Variants in AGBL4 observed in about 807,000 individuals in gnomAD.
AGBL4 encodes the protein AGBL carboxypeptidase 4, also known as cytosolic carboxypeptidase 6.
In AGBL4, 58 loss-of-function variants were observed where a neutral mutation model predicts 66.4. That is an observed-to-expected ratio of 0.87 (90% CI 0.71 to 1.09). The LOEUF (loss-of-function observed/expected upper bound fraction) is 1.09. Ranked by LOEUF, AGBL4 falls within the 50% of genes least tolerant of loss-of-function variation. AGBL4 has a pLI of 0.00. For synonymous variants in AGBL4, 234 were observed against 222.9 expected (o/e 1.05, Z -0.44); for missense variants, 579 against 631.0 (o/e 0.92, Z 0.88).
chr1:49,361,716 G>A (rs1403121465), intron 3 of AGBL4, among the ~76,000 whole-genome samples: 1 of 151,934 alleles, frequency 6.6e-6, no homozygotes, highest in Non-Finnish European at 1.5e-5. Context: ...CAAAGATATA[G>A]TCTTCCTATT....
intron 11 of AGBL4, among the ~76,000 whole-genome samples, chr1:48,559,025 A>G (rs1417276503): frequency 6.6e-6 from 1 of 152,212 alleles, no homozygotes. Flanking sequence ...ACTGCTGACC[A>G]GAACAGGGGC....
chr1:49,911,291 G>A (rs1650803507), intron 1 of AGBL4, among the ~76,000 whole-genome samples: 1 of 152,208 alleles, frequency 6.6e-6, no homozygotes, highest in African/African-American at 2.4e-5. Flanking sequence ...CATTATTTCT[G>A]TGATTGTTGA....
the AGBL4 span, among the ~76,000 whole-genome samples, chr1:48,525,137 G>A: frequency 1.3e-5 from 2 of 152,114 alleles, no homozygotes; most frequent in Non-Finnish European, 2.9e-5. Context: ...TAAGGCTCTT[G>A]GGCCCCATAA....
chr1:49,047,226 T>C (rs373131940), intron 4 of AGBL4, among the ~76,000 whole-genome samples: 2 of 152,262 alleles, frequency 1.3e-5, no homozygotes, highest in East Asian at 1.9e-4. Flanking sequence ...AATATTCTGG[T>C]ATTTGATTAT....
chr1:49,873,774 T>C (rs1425472668), intron 1 of AGBL4, among the ~76,000 whole-genome samples: 1 of 152,138 alleles, frequency 6.6e-6, no homozygotes, highest in African/African-American at 2.4e-5. Flanking sequence ...TGTGATTCCA[T>C]GCTTATTTCT....
intron 6 of AGBL4, among the ~76,000 whole-genome samples, chr1:48,688,613 T>A (rs889466081): frequency 6.6e-6 from 1 of 152,104 alleles, no homozygotes. Context: ...TCCCTTTGCT[T>A]ACACTGCAGG....
At chr1:48,539,496 C>T (rs955458018) in intron 12 of AGBL4, 146 bp downstream of exon 12, 2 of 555,426 alleles carry the variant, frequency 3.6e-6, no homozygotes, top group East Asian at 3.2e-5. Context: ...TCTTCTGCCC[C>T]ATAAAATCTC....
intron 3 of AGBL4, among the ~76,000 whole-genome samples, chr1:49,309,402 G>A (rs531111807): frequency 5.3e-5 from 8 of 151,980 alleles, no homozygotes; most frequent in Non-Finnish European, 7.4e-5. Context: ...CAAGAGTGGC[G>A]CTAGAATCTG....
At chr1:49,209,601 A>G (rs1033991386) in intron 4 of AGBL4, among the ~76,000 whole-genome samples, 1 of 152,136 alleles carries the variant, frequency 6.6e-6, no homozygotes, top group African/African-American at 2.4e-5. Context: ...AACAATGGTG[A>G]AGGCTTGATC....
At position 49,716,141 on chromosome 1, in the gene AGBL4, A is replaced by G. The variant is rs142241629; in HGVS notation, c.158-18704T>C. 4.5e-4 allele frequency among the ~76,000 whole-genome samples: 69 copies of G among 152,202 alleles called. 1 individual carries two copies. The East Asian group carries it at 0.012, about 27-fold the overall frequency. ...GTTAATTTTTGTATAAGGTGTAAGGAAGGGGTCCAGTTTCAGTTTTCTGCA... is the reference window on the plus strand; with the variant it reads ...GTTAATTTTTGTATAAGGTGTAAGGGAGGGGTCCAGTTTCAGTTTTCTGCA... On this transcript the variant is annotated intron_variant, in intron 2 of 13. Coordinates refer to ENST00000371839, the MANE Select transcript of AGBL4 (RefSeq NM_032785.4).
intron 2 of AGBL4, among the ~76,000 whole-genome samples, chr1:49,840,571 G>A (rs1483946104): frequency 6.6e-6 from 1 of 152,030 alleles, no homozygotes; most frequent in Non-Finnish European, 1.5e-5. Context: ...GACAAAGAAA[G>A]GAAACTTCAG....
intron 3 of AGBL4, among the ~76,000 whole-genome samples, chr1:49,318,450 A>T (rs773999125): frequency 6.6e-5 from 10 of 151,862 alleles, no homozygotes; most frequent in Non-Finnish European, 1.3e-4. Flanking sequence ...TAGCAAACAC[A>T]TGGGGCTTAT....
intron 3 of AGBL4, among the ~76,000 whole-genome samples, chr1:49,492,136 A>G (rs945882822): frequency 2.6e-5 from 4 of 151,898 alleles, no homozygotes; most frequent in Admixed American, 2.6e-4. Flanking sequence ...TAAGTGGCAT[A>G]GGCATTATGA....
At chr1:48,746,436 C>T (rs1405395432) in intron 6 of AGBL4, among the ~76,000 whole-genome samples, 3 of 152,206 alleles carry the variant, frequency 2.0e-5, no homozygotes, top group African/African-American at 4.8e-5. Flanking sequence ...AGGTTCACGA[C>T]GGTCCCCTCA....
chr1:49,230,769 C>T (rs998085436), intron 4 of AGBL4, among the ~76,000 whole-genome samples: 1 of 152,168 alleles, frequency 6.6e-6, no homozygotes, highest in Non-Finnish European at 1.5e-5. Flanking sequence ...TCAGTTACCT[C>T]TTCTTTCAAT....
At chr1:49,474,601 T>C (rs1303267339) in intron 3 of AGBL4, among the ~76,000 whole-genome samples, 2 of 151,926 alleles carry the variant, frequency 1.3e-5, no homozygotes, top group Non-Finnish European at 2.9e-5. Flanking sequence ...GAACTTTTTT[T>C]TTTGGTGTAT....
chr1:49,975,994 G>A (rs780437922), intron 1 of AGBL4, among the ~76,000 whole-genome samples: 1 of 152,092 alleles, frequency 6.6e-6, no homozygotes, highest in African/African-American at 2.4e-5. Flanking sequence ...GCAGGGTAAG[G>A]GGTGTCAGTT....
At chr1:49,701,343 CTTATG>C (rs1460118057) in intron 2 of AGBL4, among the ~76,000 whole-genome samples, 2 of 151,594 alleles carry the variant, frequency 1.3e-5, no homozygotes, top group Non-Finnish European at 2.9e-5. Flanking sequence ...GAGAGTAGAT[CTTATG>C]TTAAGTATTT....
intron 3 of AGBL4, among the ~76,000 whole-genome samples, chr1:49,275,492 T>C (rs1003114053): frequency 6.6e-6 from 1 of 152,182 alleles, no homozygotes; most frequent in African/African-American, 2.4e-5. Flanking sequence ...ATATGGCCAA[T>C]CACTATTGTT....
Sources: gnomAD v4.1 joint callset for allele counts (sites outside exome capture counted in the v4.1 genomes callset) on GRCh38, gnomAD v4.1.1 for gene constraint, MANE v1.5 for transcripts, NCBI Gene and HGNC (gene_info 2026-07-23, HGNC 2026-07-21) for gene names.